Variants in PPP2R5E observed in about 807,000 individuals in gnomAD.
PPP2R5E encodes the protein protein phosphatase 2 regulatory subunit B'epsilon, also known as serine/threonine-protein phosphatase 2A 56 kDa regulatory subunit epsilon isoform.
A neutral mutation model predicts 65.3 loss-of-function variants in PPP2R5E; 4 were observed. The ratio of observed to expected loss-of-function variants is 0.06; its 90% CI spans 0.03 to 0.14. The LOEUF (loss-of-function observed/expected upper bound fraction) is 0.14. Among genes scored for constraint, PPP2R5E ranks in the 10% least tolerant of loss-of-function variants. PPP2R5E has a pLI of 1.00. For synonymous variants in PPP2R5E, 183 were observed against 187.4 expected (o/e 0.98, Z 0.19); for missense variants, 274 against 556.1 (o/e 0.49, Z 5.10).
chr14:63,433,032 G>GTTTTTTTT (rs747571866), intron 3 of PPP2R5E, among the ~76,000 whole-genome samples: 20 of 96,456 alleles, frequency 2.1e-4, no homozygotes, highest in South Asian at 7.7e-4. Flanking sequence ...GTTTTGTTTT[G>GTTTTTTTT]TTTTTTTTTT....
intron 5 of PPP2R5E, 100 bp from the exon 6 acceptor site, chr14:63,396,816 G>C: frequency 2.8e-6 from 4 of 1,432,238 alleles, no homozygotes; most frequent in Non-Finnish European, 1.9e-6. Flanking sequence ...CTCAAAAAAT[G>C]TGTTGAATAT....
chr14:63,485,015 AAAAT>A (rs757201615), intron 2 of PPP2R5E, among the ~76,000 whole-genome samples: 36 of 152,220 alleles, frequency 2.4e-4, no homozygotes, highest in Non-Finnish European at 2.1e-4. Flanking sequence ...TAAGAAAAGA[AAAAT>A]AAACACCTCT....
At chr14:63,483,536 C>T (rs1370409194) in intron 2 of PPP2R5E, among the ~76,000 whole-genome samples, 1 of 152,144 alleles carries the variant, frequency 6.6e-6, no homozygotes, top group East Asian at 1.9e-4. Flanking sequence ...AGCGCATTCA[C>T]GGCAGGCAGC....
intron 2 of PPP2R5E, among the ~76,000 whole-genome samples, chr14:63,469,174 C>G (rs1181023690): frequency 1.3e-5 from 2 of 152,192 alleles, no homozygotes; most frequent in African/African-American, 4.8e-5. Flanking sequence ...AACCAAACTT[C>G]ATGTTCTTAG....
intron 5 of PPP2R5E, among the ~76,000 whole-genome samples, chr14:63,405,925 G>C (rs1322230521): frequency 6.6e-6 from 1 of 152,086 alleles, no homozygotes; most frequent in Non-Finnish European, 1.5e-5. Context: ...GCAATGAATG[G>C]ACTATCTTTG....
At chr14:63,437,526 C>T (rs913345361) in intron 3 of PPP2R5E, among the ~76,000 whole-genome samples, 1 of 152,138 alleles carries the variant, frequency 6.6e-6, no homozygotes, top group African/African-American at 2.4e-5. Context: ...AAATACAAAA[C>T]TTAATTTTCC....
chr14:63,494,394 C>T (rs917150346), intron 2 of PPP2R5E, among the ~76,000 whole-genome samples: 10 of 151,874 alleles, frequency 6.6e-5, no homozygotes, highest in African/African-American at 2.4e-4. Context: ...CCACCACACT[C>T]GGCTAATTTT....
chr14:63,385,569 C>A (rs191525968), intron 11 of PPP2R5E, among the ~76,000 whole-genome samples: 3 of 152,264 alleles, frequency 2.0e-5, no homozygotes, highest in Non-Finnish European at 4.4e-5. Context: ...TACTGAGGAA[C>A]ACCCACAGTT....
At chr14:63,424,838 G>A (rs1303450618) in intron 3 of PPP2R5E, among the ~76,000 whole-genome samples, 2 of 152,102 alleles carry the variant, frequency 1.3e-5, no homozygotes, top group African/African-American at 2.4e-5. Flanking sequence ...AAAGAAGCAG[G>A]GGATAATAGA....
intron 2 of PPP2R5E, among the ~76,000 whole-genome samples, chr14:63,485,780 A>C (rs972771219): frequency 3.3e-5 from 5 of 151,940 alleles, no homozygotes; most frequent in African/African-American, 1.2e-4. Context: ...AGTAATTCAT[A>C]AGAATTAACA....
chr14:63,523,191 A>AC (rs1320241111), intron 2 of PPP2R5E, among the ~76,000 whole-genome samples: 21 of 149,656 alleles, frequency 1.4e-4, no homozygotes, highest in African/African-American at 4.8e-4. Flanking sequence ...CCCGGCCACC[A>AC]CCCCATCTGG....
chr14:63,414,922 G>T (rs1054355211), intron 5 of PPP2R5E, among the ~76,000 whole-genome samples: 1 of 151,948 alleles, frequency 6.6e-6, no homozygotes, highest in African/African-American at 2.4e-5. Context: ...TAGCATTCCT[G>T]GCTATTTAAA....
intron 3 of PPP2R5E, among the ~76,000 whole-genome samples, chr14:63,439,870 T>C (rs1322963013): frequency 6.6e-6 from 1 of 152,220 alleles, no homozygotes; most frequent in Admixed American, 6.5e-5. Context: ...GCAGCTCGCA[T>C]AGCTTGCCTG....
chr14:63,484,649 A>G (rs1481798582), intron 2 of PPP2R5E, among the ~76,000 whole-genome samples: 4 of 152,208 alleles, frequency 2.6e-5, no homozygotes, highest in African/African-American at 9.7e-5. Context: ...AAGTATTCTG[A>G]ACCTACTGAA....
chr14:63,532,942 C>G (rs2139762360), intron 2 of PPP2R5E, among the ~76,000 whole-genome samples: 1 of 152,314 alleles, frequency 6.6e-6, no homozygotes, highest in South Asian at 2.1e-4. Context: ...TCGAACTATC[C>G]TCCCTCAGCC....
At chr14:63,424,269 C>T (rs531533641) in intron 3 of PPP2R5E, among the ~76,000 whole-genome samples, 9 of 151,892 alleles carry the variant, frequency 5.9e-5, no homozygotes, top group South Asian at 4.2e-4. Context: ...CTTATTTTAG[C>T]GGAGAGATTC....
Position 63,382,165 on chromosome 14 carries a change from G to C in PPP2R5E, c.1203-8C>G. 2 of 1,605,292 alleles carry C rather than the reference G, an allele frequency of 1.2e-6. No individual in the cohort carries two copies. Among genetic ancestry groups the C allele is most frequent in the Non-Finnish European group, 1.7e-6 (2 of 1,175,146 alleles). ...ACCAACGCCACAATAGCCCTGGAAA[G>C]CACAGAAAAAAAGGAGTGTGTTAGT... On this transcript the variant is annotated splice_region_variant and splice_polypyrimidine_tract_variant and intron_variant, in intron 12 of 13. Transcript: ENST00000337537.
chr14:63,456,734 A>C (rs1479776306), intron 2 of PPP2R5E, among the ~76,000 whole-genome samples: 1 of 152,232 alleles, frequency 6.6e-6, no homozygotes, highest in African/African-American at 2.4e-5. Flanking sequence ...ATGCAACACG[A>C]AACACAGTGA....
chr14:63,496,479 T>G (rs1379618312), intron 2 of PPP2R5E, among the ~76,000 whole-genome samples: 1 of 149,650 alleles, frequency 6.7e-6, no homozygotes, highest in Non-Finnish European at 1.5e-5. Context: ...ACTTAAGGCT[T>G]AATTAAATTT....
Sources: gnomAD v4.1 joint callset for allele counts (sites outside exome capture counted in the v4.1 genomes callset) on GRCh38, gnomAD v4.1.1 for gene constraint, MANE v1.5 for transcripts, NCBI Gene and HGNC (gene_info 2026-07-23, HGNC 2026-07-21) for gene names.